Variants in TAFA4 observed in about 807,000 individuals in gnomAD.
TAFA4 encodes TAFA chemokine like family member 4, also known as chemokine-like protein TAFA-4.
Under a neutral mutation model 21.1 loss-of-function variants are expected in TAFA4, and 20 were observed. The observed-to-expected ratio is 0.95, with a 90% CI of 0.67 to 1.38. The LOEUF is 1.38. Ranked by LOEUF, TAFA4 falls within the 40% of genes most tolerant of loss-of-function variation. The pLI is 0.00. For synonymous variants in TAFA4, 71 were observed against 67.4 expected (o/e 1.05, Z -0.26); for missense variants, 211 against 180.9 (o/e 1.17, Z -0.95).
intron 5 of TAFA4, among the ~76,000 whole-genome samples, chr3:68,735,992 CA>C (rs561258896): frequency 2.1e-4 from 32 of 152,142 alleles, no homozygotes; most frequent in African/African-American, 7.5e-4. Flanking sequence ...AATGTCTACT[CA>C]GGGGCAAAAT....
At chr3:68,811,514 C>A (rs1703837935) in intron 3 of TAFA4, among the ~76,000 whole-genome samples, 1 of 152,128 alleles carries the variant, frequency 6.6e-6, no homozygotes, top group African/African-American at 2.4e-5. Context: ...GGCACGAGAA[C>A]TACATGATGA....
intron 1 of TAFA4, among the ~76,000 whole-genome samples, chr3:68,922,479 G>T (rs917306350): frequency 6.6e-6 from 1 of 152,136 alleles, no homozygotes; most frequent in Non-Finnish European, 1.5e-5. Flanking sequence ...AAAAAAAATT[G>T]CAATCAGCAT....
At chr3:68,917,922 A>G (rs1047422653) in intron 1 of TAFA4, among the ~76,000 whole-genome samples, 9 of 152,100 alleles carry the variant, frequency 5.9e-5, no homozygotes, top group African/African-American at 2.2e-4. Context: ...GGCTTCTGGC[A>G]GATCTTTAGG....
chr3:68,917,869 C>A (rs957599471), intron 1 of TAFA4, among the ~76,000 whole-genome samples: 1 of 151,966 alleles, frequency 6.6e-6, no homozygotes, highest in Admixed American at 6.6e-5. Flanking sequence ...CACTCTGACA[C>A]CCAGTTTGTG....
intron 5 of TAFA4, among the ~76,000 whole-genome samples, chr3:68,735,082 A>G (rs574877020): frequency 6.6e-6 from 1 of 152,256 alleles, no homozygotes; most frequent in South Asian, 2.1e-4. Flanking sequence ...ATTCCCATTC[A>G]TCAGGGTACC....
intron 3 of TAFA4, among the ~76,000 whole-genome samples, chr3:68,878,632 ACCTGCCAATTGGC>A (rs1381346779): frequency 6.6e-6 from 1 of 152,136 alleles, no homozygotes; most frequent in Non-Finnish European, 1.5e-5. Context: ...AAAGAAACGA[ACCTGCCAATTGGC>A]CCCTTCACCT....
In TAFA4 at chr3:68,919,374, C is replaced by T. The variant is rs1382082893; in HGVS notation, c.-123+12866G>A. ...GTCTTGTTTTCATTCACTTACTTAT[C>T]ACCTTATTTTCAGCTCAAGAGTCTC... On this transcript the variant is annotated intron_variant, in intron 1 of 5. Coordinates refer to ENST00000295569, the MANE Select transcript of TAFA4 (RefSeq NM_182522.5). Among the ~76,000 whole-genome samples the T allele has an allele frequency of 2.0e-5, 3 of 152,148 alleles. No individual in the cohort carries two copies. The East Asian group carries it at 5.8e-4, about 29-fold the overall frequency.
At chr3:68,733,796 G>A (rs1412910442) in intron 5 of TAFA4, among the ~76,000 whole-genome samples, 4 of 152,088 alleles carry the variant, frequency 2.6e-5, no homozygotes, top group Non-Finnish European at 5.9e-5. Flanking sequence ...TTTTTTCAAA[G>A]CAAATTATTT....
chr3:68,801,616 G>C (rs901537835), intron 3 of TAFA4, among the ~76,000 whole-genome samples: 4 of 152,136 alleles, frequency 2.6e-5, no homozygotes, highest in African/African-American at 9.7e-5. Context: ...AATTCATTTA[G>C]GTCTTATCAC....
chr3:68,775,540 T>A (rs1352638), intron 3 of TAFA4, among the ~76,000 whole-genome samples: 104,510 of 152,008 alleles, frequency 0.69, 36,448 homozygotes, highest in East Asian at 0.98. Flanking sequence ...ATTCACAAGC[T>A]ACTCCAGCCT....
At chr3:68,890,268 C>T (rs896353538) in intron 1 of TAFA4, among the ~76,000 whole-genome samples, 3 of 152,148 alleles carry the variant, frequency 2.0e-5, no homozygotes, top group South Asian at 2.1e-4. Context: ...ATTGGTGAAT[C>T]GGGGCACAAG....
At chr3:68,785,842 T>C (rs1703249925) in intron 3 of TAFA4, among the ~76,000 whole-genome samples, 1 of 152,222 alleles carries the variant, frequency 6.6e-6, no homozygotes, top group African/African-American at 2.4e-5. Context: ...AACCTCTCAC[T>C]AGGGCACTTT....
intron 3 of TAFA4, among the ~76,000 whole-genome samples, chr3:68,810,609 G>T (rs1343979963): frequency 6.6e-6 from 1 of 152,200 alleles, no homozygotes; most frequent in African/African-American, 2.4e-5. Context: ...CTGCAAGGTG[G>T]CAGTGAGGCT....
At chr3:68,869,025 G>A (rs1413920863) in intron 3 of TAFA4, among the ~76,000 whole-genome samples, 5 of 150,736 alleles carry the variant, frequency 3.3e-5, no homozygotes, top group Non-Finnish European at 7.4e-5. Flanking sequence ...TAATCAGAAA[G>A]AAAAAAAAGA....
At chr3:68,838,927 T>C (rs1704588321) in intron 3 of TAFA4, among the ~76,000 whole-genome samples, 1 of 151,860 alleles carries the variant, frequency 6.6e-6, no homozygotes, top group African/African-American at 2.4e-5. Context: ...TGAAACCCCG[T>C]CTCCACAAAA....
At position 68,805,180 on chromosome 3, in the gene TAFA4, A is replaced by G. The variant is rs58451528; in HGVS notation, c.131-52162T>C. Among the ~76,000 whole-genome samples, 1,137 of 152,318 alleles carry G rather than the reference A, an allele frequency of 7.5e-3. 10 individuals carry two copies. Among genetic ancestry groups the G allele is most frequent in the African/African-American group, 0.026 (1,074 of 41,570 alleles). ...ACACTTCTCAAAAGAAGACATTTAC[A>G]CAGCCAAAATACACATGAAAAAATG... is the stretch of plus-strand genomic sequence containing the variant. On this transcript the variant is annotated intron_variant, in intron 3 of 5. Transcript: ENST00000295569.
In TAFA4 at chr3:68,732,060, A is replaced by T. The variant is rs763191470; in HGVS notation, c.*1082T>A. ...ACATTATACATCTAAAATCTGGGTC[A>T]GTCATTCTTCATCTGTTTCATACGT... On this transcript the variant is annotated 3_prime_UTR_variant, in exon 6 of 6. Transcript: ENST00000295569. 1.4e-4 allele frequency: 21 copies of T among 152,602 alleles called. No individual in the cohort carries two copies. The highest frequency in any genetic ancestry group is 2.1e-4 in the Non-Finnish European group (14 of 68,032). The allele number at this position is 152,602 out of a possible 1,614,324, so 9.5% of individuals were successfully genotyped here.
At chr3:68,906,461 T>TTCATTTGAA (rs1165146463) in intron 1 of TAFA4, among the ~76,000 whole-genome samples, 2 of 152,204 alleles carry the variant, frequency 1.3e-5, no homozygotes, top group African/African-American at 2.4e-5. Context: ...TTTACATTAG[T>TTCATTTGAA]TCATTTGAAT....
intron 1 of TAFA4, among the ~76,000 whole-genome samples, chr3:68,920,069 C>A (rs1484525654): frequency 6.6e-6 from 1 of 152,194 alleles, no homozygotes; most frequent in African/African-American, 2.4e-5. Context: ...TCATCATACT[C>A]TCTGTAGTAG....
Sources: allele counts gnomAD v4.1 joint callset (sites outside exome capture counted in the v4.1 genomes callset), GRCh38; gene constraint gnomAD v4.1.1; transcripts MANE v1.5; gene names NCBI Gene and HGNC (gene_info 2026-07-23, HGNC 2026-07-21).